The following NHS variants were observed in gnomAD, a reference collection of about 807,000 sequenced individuals.
NHS encodes the protein NHS actin remodeling regulator, also known as actin remodeling regulator NHS.
NHS carries 5 observed loss-of-function variants against 72.5 expected under a neutral mutation model. That is an observed-to-expected ratio of 0.07 (90% CI 0.04 to 0.14). The LOEUF (loss-of-function observed/expected upper bound fraction) is 0.14. NHS is among the 10% of genes least tolerant of loss of function. The probability of loss-of-function intolerance (pLI) is 1.00; values close to 1 mark genes in which losing one functional copy is unlikely to be tolerated. For missense variants in NHS, 1,072 were observed against 1,355.7 expected (o/e 0.79, Z 3.29); for synonymous variants, 464 against 547.7 (o/e 0.85, Z 2.13).
intron 1 of NHS, among the ~76,000 whole-genome samples, chrX:17,605,878 G>A (rs1031710165): frequency 8.9e-6 from 1 of 112,004 alleles, no homozygotes; most frequent in East Asian, 2.8e-4. Context: ...CCCTGGAAAC[G>A]TGGTGAAGGT....
At chrX:17,395,399 A>G (rs2064469354) in intron 1 of NHS, among the ~76,000 whole-genome samples, 1 of 112,018 alleles carries the variant, frequency 8.9e-6, no homozygotes, top group African/African-American at 3.2e-5. Context: ...CCCAAAATAA[A>G]TAGGAACATG....
At chrX:17,663,600 G>A (rs1376327653) in intron 1 of NHS, among the ~76,000 whole-genome samples, 3 of 112,225 alleles carry the variant, frequency 2.7e-5, no homozygotes, top group Admixed American at 9.4e-5. Context: ...TCCATTGTAA[G>A]AATATACCAT....
At chrX:17,418,591 C>A (rs1217922519) in intron 1 of NHS, among the ~76,000 whole-genome samples, 2 of 112,035 alleles carry the variant, frequency 1.8e-5, no homozygotes, top group Non-Finnish European at 3.8e-5. Flanking sequence ...GTTCGGGCTA[C>A]TTTGCAGAAA....
rs763797135 is a variant in NHS, at chrX:17,711,317, C to T, written c.853-8027C>T. On this transcript the variant is annotated intron_variant, in intron 3 of 8. Coordinates refer to ENST00000676302, the MANE Select transcript of NHS (RefSeq NM_001291867.2). The stretch of plus-strand genomic sequence containing the variant: ...TGTTCTTGACAGTACAGAGCAATTC[C>T]TGGGAATAAATGACTGTGCTGACCA... Among the ~76,000 whole-genome samples the T allele has an allele frequency of 4.3e-4, 48 of 111,431 alleles. 1 individual carries two copies. The highest frequency in any genetic ancestry group is 9.5e-5 in the Admixed American group (1 of 10,545).
chrX:17,546,962 A>G (rs750617046), intron 1 of NHS, among the ~76,000 whole-genome samples: 5 of 112,215 alleles, frequency 4.5e-5, no homozygotes, highest in Admixed American at 3.7e-4. Context: ...AGAAAAGTAT[A>G]AAATAAATGA....
intron 1 of NHS, among the ~76,000 whole-genome samples, chrX:17,391,816 T>C (rs187254502): frequency 8.9e-6 from 1 of 112,098 alleles, no homozygotes; most frequent in Admixed American, 9.5e-5. Context: ...GGTGTAGAAA[T>C]GCAAGCACCC....
chrX:17,613,554 T>C (rs2065721626), intron 1 of NHS, among the ~76,000 whole-genome samples: 1 of 111,596 alleles, frequency 9.0e-6, no homozygotes, highest in Non-Finnish European at 1.9e-5. Context: ...GCCCCCCTTC[T>C]TAGAGCTTCA....
intron 1 of NHS, among the ~76,000 whole-genome samples, chrX:17,548,800 G>A (rs1159585151): frequency 9.0e-6 from 1 of 111,598 alleles, no homozygotes; most frequent in Non-Finnish European, 1.9e-5. Context: ...TAAAAGCTAG[G>A]CTGCAGAGAG....
At chrX:17,686,924 C>A (rs2066165854) in intron 1 of NHS, 2 of 111,886 alleles carry the variant, frequency 1.8e-5, no homozygotes, top group African/African-American at 3.3e-5. Flanking sequence ...CTAACATCTG[C>A]TTCCAGCAGA....
intron 1 of NHS, among the ~76,000 whole-genome samples, chrX:17,425,357 A>G (rs2064647230): frequency 9.1e-6 from 1 of 109,479 alleles, no homozygotes; most frequent in East Asian, 2.9e-4. Context: ...GTTAGCTGTC[A>G]GAACGATGTG....
chrX:17,430,435 T>TTCTC (rs1441798064), intron 1 of NHS, among the ~76,000 whole-genome samples: 1 of 101,903 alleles, frequency 9.8e-6, no homozygotes, highest in Non-Finnish European at 2.0e-5. Flanking sequence ...CTTCCTTTCT[T>TTCTC]TCTCTCTCTC....
chrX:17,710,468 T>C lies in NHS; in HGVS notation c.853-8876T>C, dbSNP rs992056668. 1.8e-4 allele frequency among the ~76,000 whole-genome samples: 20 copies of C among 112,820 alleles called. 1 individual carries two copies. The highest frequency in any genetic ancestry group is 6.4e-4 in the African/African-American group (20 of 31,023). On this transcript the variant is annotated intron_variant, in intron 3 of 8. Coordinates refer to ENST00000676302, the MANE Select transcript of NHS (RefSeq NM_001291867.2). ...ACTCACAATAAAAAGGAATGAATTA[T>C]TGATAAACACAACAACTTGGATGGA... is the stretch of plus-strand genomic sequence containing the variant.
intron 1 of NHS, among the ~76,000 whole-genome samples, chrX:17,418,381 GA>G (rs1370094397): frequency 9.0e-6 from 1 of 111,731 alleles, no homozygotes; most frequent in Admixed American, 9.5e-5. Context: ...TCCTGAAATG[GA>G]CTGGCCCCTC....
chrX:17,434,169 T>C lies in NHS; in HGVS notation c.565+57847T>C, dbSNP rs12388918. ...ATGGCATTTATCACTTCCATCCACA[T>C]TCCACTTGGCAGCCTTAGGCCACAC... On this transcript the variant is annotated intron_variant, in intron 1 of 8. Coordinates refer to ENST00000676302, the MANE Select transcript of NHS (RefSeq NM_001291867.2). Among the ~76,000 whole-genome samples, 779 of 111,702 alleles carry C rather than the reference T, an allele frequency of 7.0e-3. 4 individuals carry two copies. The highest frequency in any genetic ancestry group is 0.024 in the African/African-American group (744 of 30,662).
chrX:17,445,758 G>T lies in NHS; in HGVS notation c.565+69436G>T, dbSNP rs772174461. Among the ~76,000 whole-genome samples, 9 of 100,946 alleles carry T rather than the reference G, an allele frequency of 8.9e-5. No individual in the cohort carries two copies. In the South Asian group the frequency reaches 2.0e-3, roughly 23 times the overall value. The allele number at this position is 100,946 out of a possible 115,157, so 87.7% of individuals were successfully genotyped here. A position where few individuals can be genotyped will look rare whatever the true frequency, so the allele number is the denominator to read the frequency against. On this transcript the variant is annotated intron_variant, in intron 1 of 8. Coordinates refer to ENST00000676302, the MANE Select transcript of NHS (RefSeq NM_001291867.2). ...TTACTCACTGCTAAAAAAAAAAAAG[G>T]GGGGGGGGACTCTGTATATTTTTAA...
At chrX:17,616,673 C>T (rs754498182) in intron 1 of NHS, among the ~76,000 whole-genome samples, 123 of 112,496 alleles carry the variant, frequency 1.1e-3, no homozygotes, top group Non-Finnish European at 2.1e-3. Context: ...ATCAGAAATA[C>T]TTGATATGTA....
chrX:17,613,712 C>T (rs958847451), intron 1 of NHS, among the ~76,000 whole-genome samples: 5 of 111,752 alleles, frequency 4.5e-5, no homozygotes, highest in African/African-American at 1.6e-4. Context: ...CTCCACAGTG[C>T]ATGCATTCTA....
chrX:17,389,305 C>T (rs2146844207), intron 1 of NHS, among the ~76,000 whole-genome samples: 1 of 111,813 alleles, frequency 8.9e-6, no homozygotes, highest in East Asian at 2.8e-4. Context: ...GATAGCCTAG[C>T]ACTATCCCCT....
intron 1 of NHS, among the ~76,000 whole-genome samples, chrX:17,538,331 T>C (rs1383361449): frequency 9.0e-6 from 1 of 111,534 alleles, no homozygotes; most frequent in Admixed American, 9.5e-5. Flanking sequence ...GAGCAAATGC[T>C]CTTTGCTCAG....
Sources: allele counts gnomAD v4.1 joint callset (sites outside exome capture counted in the v4.1 genomes callset), GRCh38; gene constraint gnomAD v4.1.1; transcripts MANE v1.5; gene names NCBI Gene and HGNC (gene_info 2026-07-23, HGNC 2026-07-21).